Variants in SAXO1 observed in about 807,000 individuals in gnomAD.
SAXO1 encodes 4930500O09Rik.
Under a neutral mutation model 17.5 loss-of-function variants are expected in SAXO1, and 21 were observed. That is an observed-to-expected ratio of 1.20 (90% CI 0.85 to 1.72). The LOEUF (loss-of-function observed/expected upper bound fraction) is 1.72, where lower values mean the gene tolerates loss of function less well. Ranked by LOEUF, SAXO1 falls within the 40% of genes most tolerant of loss-of-function variation. The probability of loss-of-function intolerance (pLI) is 0.00; values close to 1 mark genes in which losing one functional copy is unlikely to be tolerated. For synonymous variants in SAXO1, 274 were observed against 216.5 expected (o/e 1.27, Z -2.33); for missense variants, 843 against 596.0 (o/e 1.41, Z -4.32).
At chr9:18,996,554 C>G (rs1279133523) in intron 1 of SAXO1, among the ~76,000 whole-genome samples, 1 of 152,198 alleles carries the variant, frequency 6.6e-6, no homozygotes, top group Admixed American at 6.5e-5. Context: ...TATATTCAGT[C>G]TTTTGTTAAC....
intron 1 of SAXO1, among the ~76,000 whole-genome samples, chr9:18,973,064 T>C (rs1833010201): frequency 1.3e-5 from 2 of 152,126 alleles, no homozygotes; most frequent in South Asian, 2.1e-4. Context: ...AAATCAAAGA[T>C]GTGGAGTCAG....
chr9:18,986,919 G>T (rs1446877526), intron 1 of SAXO1, among the ~76,000 whole-genome samples: 1 of 152,170 alleles, frequency 6.6e-6, no homozygotes, highest in Non-Finnish European at 1.5e-5. Flanking sequence ...AATGTATTGA[G>T]GAAGGGGTGC....
chr9:19,046,005 T>C (rs1338238336), intron 1 of SAXO1, among the ~76,000 whole-genome samples: 1 of 147,924 alleles, frequency 6.8e-6, no homozygotes, highest in African/African-American at 2.5e-5. Flanking sequence ...GGAGAATCAC[T>C]TGAACCTGGG....
Position 18,928,513 on chromosome 9 carries a change from A to G in SAXO1, c.964T>C (p.Cys322Arg), listed in dbSNP as rs771103510. 1.9e-6 allele frequency: 3 copies of G among 1,613,790 alleles called. No homozygotes were observed. Among genetic ancestry groups the G allele is most frequent in the African/African-American group, 2.7e-5 (2 of 74,890 alleles). Residue 322 changes from cysteine to arginine, a missense_variant, in exon 4 of 4, where the codon TGC becomes CGC. Transcript: ENST00000380534. ...TCPKGAPAQS[C>R]RPALQIKKCG... ...TTCTTAATCTGAAGTGCAGGTCGGC[A>G]GGACTGAGCTGGGGCACCCTTAGGG...
At chr9:19,027,431 A>C in intron 1 of SAXO1, 1 of 756,678 alleles carries the variant, frequency 1.3e-6, no homozygotes, top group South Asian at 1.5e-5. Flanking sequence ...CAGATCCAGG[A>C]ACTGGTGGAG....
At chr9:18,960,155 G>A (rs549634439) in intron 1 of SAXO1, among the ~76,000 whole-genome samples, 46 of 152,354 alleles carry the variant, frequency 3.0e-4, no homozygotes, top group African/African-American at 9.4e-4. Flanking sequence ...AGTTTCTTCT[G>A]TGAAAAATAT....
chr9:19,015,495 C>G (rs1036782199), intron 1 of SAXO1, among the ~76,000 whole-genome samples: 1 of 152,088 alleles, frequency 6.6e-6, no homozygotes, highest in African/African-American at 2.4e-5. Context: ...GTGTGTGTAC[C>G]ACCACGCCCG....
chr9:18,986,133 A>G (rs1264652194), intron 1 of SAXO1, among the ~76,000 whole-genome samples: 2 of 152,236 alleles, frequency 1.3e-5, no homozygotes, highest in African/African-American at 2.4e-5. Context: ...TCCTTCTGTG[A>G]TAATATGCAA....
rs529298139 is a variant in SAXO1, at chr9:19,039,426, A to C, written c.-158+9783T>G. Among the ~76,000 whole-genome samples, 99 of 152,236 alleles carry C rather than the reference A, an allele frequency of 6.5e-4. 1 individual carries two copies. Among genetic ancestry groups the C allele is most frequent in the Non-Finnish European group, 1.2e-3 (84 of 68,040 alleles). Reference sequence around the variant, plus strand: ...AAAGTTTATGTGTATGATGTGATTTAGCTATGCAGAAAATATTTAAGTTGG... The same window carrying C: ...AAAGTTTATGTGTATGATGTGATTTCGCTATGCAGAAAATATTTAAGTTGG... On this transcript the variant is annotated intron_variant, in intron 1 of 3. Transcript: ENST00000542071.
intron 1 of SAXO1, among the ~76,000 whole-genome samples, chr9:19,017,587 A>T (rs747604353): frequency 6.6e-6 from 1 of 152,110 alleles, no homozygotes; most frequent in Non-Finnish European, 1.5e-5. Context: ...GGCCTCTCCT[A>T]TACCTGTCCA....
At chr9:18,984,746 A>G (rs1833529843) in intron 1 of SAXO1, among the ~76,000 whole-genome samples, 1 of 152,176 alleles carries the variant, frequency 6.6e-6, no homozygotes, top group African/African-American at 2.4e-5. Flanking sequence ...TCCCCATATC[A>G]GCAATAAGGC....
intron 1 of SAXO1, among the ~76,000 whole-genome samples, chr9:19,000,282 G>T (rs1244795194): frequency 6.9e-6 from 1 of 144,344 alleles, no homozygotes; most frequent in East Asian, 2.2e-4. Context: ...GAGCGCCTCT[G>T]CCCAGCCGCC....
intron 1 of SAXO1, among the ~76,000 whole-genome samples, chr9:19,026,478 T>G (rs1324759019): frequency 1.3e-5 from 2 of 152,116 alleles, no homozygotes; most frequent in African/African-American, 2.4e-5. Flanking sequence ...AAAGTCTGAT[T>G]AACGTTTTAC....
At chr9:19,048,274 T>C (rs1276455207) in intron 1 of SAXO1, among the ~76,000 whole-genome samples, 1 of 152,118 alleles carries the variant, frequency 6.6e-6, no homozygotes, top group Non-Finnish European at 1.5e-5. Flanking sequence ...CTGGCCAACA[T>C]AGTGAAACCC....
chr9:19,008,761 A>G (rs883439), intron 1 of SAXO1, among the ~76,000 whole-genome samples: 71,554 of 151,980 alleles, frequency 0.47, 18,041 homozygotes, highest in Non-Finnish European at 0.57. Context: ...AAGAAACAGG[A>G]CAAATCAGAA....
At chr9:18,930,912 G>T (rs1162187057) in intron 3 of SAXO1, among the ~76,000 whole-genome samples, 1 of 152,150 alleles carries the variant, frequency 6.6e-6, no homozygotes, top group Non-Finnish European at 1.5e-5. Context: ...GAATCTATAG[G>T]GAATTCTCTT....
Position 18,941,690 on chromosome 9 carries a change from C to T in SAXO1, c.368G>A (p.Arg123Gln), listed in dbSNP as rs889923355. Residue 123 changes from arginine (R) to glutamine (Q), a missense_variant, in exon 3 of 4, where the codon CGG becomes CAG. Transcript: ENST00000380534. The part of the protein sequence containing the change: ...PVCRVDPIKP[R>Q]DSKYPCSDKM... ...GTCGCTACATGGATATTTACTGTCC[C>T]GAGGTTTGATGGGGTCCACTCGACA... 1.6e-5 allele frequency: 26 copies of T among 1,613,974 alleles called. No homozygotes were observed. Among genetic ancestry groups the T allele is most frequent in the East Asian group, 2.2e-5 (1 of 44,892 alleles).
At chr9:19,038,427 A>G (rs1047454451) in intron 1 of SAXO1, among the ~76,000 whole-genome samples, 2 of 152,080 alleles carry the variant, frequency 1.3e-5, no homozygotes, top group Non-Finnish European at 2.9e-5. Context: ...CTATGCAGCC[A>G]TAAAAAATGA....
intron 1 of SAXO1, among the ~76,000 whole-genome samples, chr9:18,952,942 G>A (rs1446393798): frequency 6.6e-6 from 1 of 152,160 alleles, no homozygotes; most frequent in Admixed American, 6.6e-5. Flanking sequence ...GCACATTCAA[G>A]AGACAAATTG....
Sources: gnomAD v4.1 joint callset for allele counts (sites outside exome capture counted in the v4.1 genomes callset) on GRCh38, gnomAD v4.1.1 for gene constraint, MANE v1.5 for transcripts, NCBI Gene and HGNC (gene_info 2026-07-23, HGNC 2026-07-21) for gene names.